The following HIPK2 variants were observed in gnomAD, a reference collection of about 807,000 sequenced individuals.
HIPK2 encodes the protein homeodomain interacting protein kinase 2.
In HIPK2, 27 loss-of-function variants were observed where a neutral mutation model predicts 113.7. That is an observed-to-expected ratio of 0.24 (90% CI 0.17 to 0.33). The LOEUF (loss-of-function observed/expected upper bound fraction) is 0.33, where lower values mean the gene tolerates loss of function less well. Among genes scored for constraint, HIPK2 ranks in the 10% least tolerant of loss-of-function variants. The probability of loss-of-function intolerance (pLI) is 1.00; values close to 1 mark genes in which losing one functional copy is unlikely to be tolerated. For synonymous variants in HIPK2, 631 were observed against 642.2 expected, an observed-to-expected ratio of 0.98 and a Z score of 0.26; for missense variants, 1,257 against 1,588.0, an observed-to-expected ratio of 0.79 and a Z score of 3.54.
rs557472926 is a variant in HIPK2 at position 139,564,948 on chromosome 7, A to G, written c.*7979T>C. ...AACATCGCATTTGAGTACAACACAC[A>G]AAGAATAATCTCTTCCTTGGTTTAA... is the stretch of plus-strand genomic sequence containing the variant. On this transcript the variant is annotated 3_prime_UTR_variant, in exon 15 of 15. Transcript: ENST00000406875. 3 of 152,354 alleles carry G rather than the reference A, an allele frequency of 2.0e-5. No homozygotes were observed. The highest frequency in any genetic ancestry group is 2.1e-4 in the South Asian group (1 of 4,826). 9.4% of individuals were successfully genotyped at this position (152,354 alleles called of 1,614,324 possible). A position where few individuals can be genotyped will look rare whatever the true frequency, so the allele number is the denominator to read the frequency against.
intron 1 of HIPK2, among the ~76,000 whole-genome samples, chr7:139,751,215 A>G (rs1455559050): frequency 1.3e-5 from 2 of 149,124 alleles, no homozygotes; most frequent in Non-Finnish European, 3.0e-5. Context: ...AAACACTACA[A>G]TCAGAGTGAA....
intron 2 of HIPK2, among the ~76,000 whole-genome samples, chr7:139,693,345 A>C (rs1569475661): frequency 2.0e-5 from 3 of 152,178 alleles, no homozygotes; most frequent in Admixed American, 6.5e-5. Context: ...AGAGAATTAA[A>C]CTCTAAGTAG....
At chr7:139,632,569 GAACAACCTGT>G in intron 2 of HIPK2, among the ~76,000 whole-genome samples, 1 of 152,248 alleles carries the variant, frequency 6.6e-6, no homozygotes, top group East Asian at 1.9e-4. Context: ...TAAACTCCAT[GAACAACCTGT>G]TCCTGAATGC....
In HIPK2 at chr7:139,777,539, A is replaced by G. The variant is rs931772667; in HGVS notation, c.19+66T>C. On this transcript the variant is annotated intron_variant, in intron 1 of 14. Coordinates refer to ENST00000406875, the MANE Select transcript of HIPK2 (RefSeq NM_022740.5). ...GGGCTGCGGGCGCGGGGCCGCGGGC[A>G]GAACAAAGCTGCGGGGGCCGCGGAG... is the stretch of plus-strand genomic sequence containing the variant. The G allele has an allele frequency of 5.4e-5, 40 of 747,538 alleles. No homozygotes were observed. The Admixed American group carries it at 2.3e-3, about 43-fold the overall frequency. 46.3% of individuals were successfully genotyped at this position (747,538 alleles called of 1,614,324 possible).
rs184311263 is a variant in HIPK2, at chr7:139,754,121, C to T, written c.19+23484G>A. Among the ~76,000 whole-genome samples the T allele has an allele frequency of 2.0e-5, 3 of 152,296 alleles. No individual in the cohort carries two copies. In the East Asian group the frequency reaches 5.8e-4, roughly 29 times the overall value. ...TTTAGGGGACAGTCCTGCTTCTTTC[C>T]AAGAGACACCCTTTGGAAGTGGGGA... On this transcript the variant is annotated intron_variant, in intron 1 of 14. Transcript: ENST00000406875.
intron 2 of HIPK2, among the ~76,000 whole-genome samples, chr7:139,673,983 A>G (rs1204958885): frequency 7.9e-5 from 12 of 150,964 alleles, no homozygotes; most frequent in Admixed American, 7.9e-4. Flanking sequence ...AGGCAGAACA[A>G]TCGTTTGAGC....
chr7:139,681,092 T>C (rs1456927024), intron 2 of HIPK2, among the ~76,000 whole-genome samples: 1 of 152,182 alleles, frequency 6.6e-6, no homozygotes, highest in African/African-American at 2.4e-5. Context: ...CGGTAACACA[T>C]CTCTCCTGAT....
At position 139,677,349 on chromosome 7, in the gene HIPK2, C is replaced by A. The variant is rs1802539680; in HGVS notation, c.1103+38583G>T. Among the ~76,000 whole-genome samples the A allele has an allele frequency of 3.9e-5, 6 of 152,044 alleles. No homozygotes were observed. In the South Asian group the frequency reaches 1.2e-3, roughly 31 times the overall value. ...TCCTTCTAGCTGGGTAAAGTGACTTCATTTAGTGAGAAAATGTCTTAGTTC... is the reference window on the plus strand; with the variant it reads ...TCCTTCTAGCTGGGTAAAGTGACTTAATTTAGTGAGAAAATGTCTTAGTTC... On this transcript the variant is annotated intron_variant, in intron 2 of 14. Transcript: ENST00000406875.
At position 139,631,836 on chromosome 7, in the gene HIPK2, A is replaced by AGGGCC; in HGVS notation, c.1104-116_1104-112dup. 1 of 1,352,744 alleles carries AGGGCC rather than the reference A, an allele frequency of 7.4e-7. No individual in the cohort carries two copies. The highest frequency in any genetic ancestry group is 9.9e-7 in the Non-Finnish European group (1 of 1,007,614). The allele number at this position is 1,352,744 out of a possible 1,614,324, so 83.8% of individuals were successfully genotyped here. ...GTGCCATTACTGACTCCTCCTCTGA[A>AGGGCC]GGGCCTGTGGCTCTCAGGAGAGGCG... On this transcript the variant is annotated intron_variant, in intron 2 of 14. Transcript: ENST00000406875. The surrounding 1 kb of genome is among the most constrained non-coding windows in gnomAD (Gnocchi z 4.9).
At chr7:139,752,803 C>T (rs913686342) in intron 1 of HIPK2, among the ~76,000 whole-genome samples, 2 of 151,940 alleles carry the variant, frequency 1.3e-5, no homozygotes, top group African/African-American at 4.8e-5. Context: ...CCTGCTGAAG[C>T]ATGAGGGATT....
chr7:139,650,349 CAAAAAA>C (rs35368461), intron 2 of HIPK2, among the ~76,000 whole-genome samples: 45 of 100,218 alleles, frequency 4.5e-4, no homozygotes, highest in African/African-American at 1.8e-3. Context: ...GACTCCATCT[CAAAAAA>C]AAAAAAAAAA....
At chr7:139,581,339 A>C (rs1453971321) in intron 13 of HIPK2, among the ~76,000 whole-genome samples, 1 of 152,198 alleles carries the variant, frequency 6.6e-6, no homozygotes, top group Non-Finnish European at 1.5e-5. Context: ...GCAGCTTCAG[A>C]GAGCAGGCAT....
chr7:139,639,669 C>T (rs1214037705), intron 2 of HIPK2, among the ~76,000 whole-genome samples: 1 of 152,124 alleles, frequency 6.6e-6, no homozygotes, highest in East Asian at 1.9e-4. Context: ...GGCTACCACA[C>T]ACAGAGCAGC....
rs889163352 is a variant in HIPK2, at chr7:139,702,045, C to G, written c.1103+13887G>C. Among the ~76,000 whole-genome samples, 9 of 152,236 alleles carry G rather than the reference C, an allele frequency of 5.9e-5. No individual in the cohort carries two copies. The South Asian group carries it at 1.9e-3, about 32-fold the overall frequency. On this transcript the variant is annotated intron_variant, in intron 2 of 14. Transcript: ENST00000406875. ...AGCCAAGCAGGGAGCACACGAGGAG[C>G]AGAGAAAGAAGAACACGCTTTAGGA...
At chr7:139,708,916 G>A (rs1205979986) in intron 2 of HIPK2, among the ~76,000 whole-genome samples, 2 of 152,188 alleles carry the variant, frequency 1.3e-5, no homozygotes, top group African/African-American at 4.8e-5. Context: ...GCATGTGTGT[G>A]TGTGCACCTG....
chr7:139,680,038 G>GAGGCCGGA (rs1306520146), intron 2 of HIPK2, among the ~76,000 whole-genome samples: 6 of 152,168 alleles, frequency 3.9e-5, no homozygotes, highest in African/African-American at 7.2e-5. Context: ...AGGATACAAG[G>GAGGCCGGA]AGGCCGGAAG....
In HIPK2 at chr7:139,683,519, T is replaced by C. The variant is rs78772202; in HGVS notation, c.1103+32413A>G. ...AATACCAGAGAGAGAGACACACGCATACCAAGACAGAAGCTGCAGAACCTC... is the reference window on the plus strand; with the variant it reads ...AATACCAGAGAGAGAGACACACGCACACCAAGACAGAAGCTGCAGAACCTC... On this transcript the variant is annotated intron_variant, in intron 2 of 14. Coordinates refer to ENST00000406875, the MANE Select transcript of HIPK2 (RefSeq NM_022740.5). This position sits in a 1 kb window ranked among gnomAD's most constrained non-coding sequence, Gnocchi z 4.2. Among the ~76,000 whole-genome samples, 3,223 of 152,172 alleles carry C rather than the reference T, an allele frequency of 0.021. 100 individuals carry two copies. The highest frequency in any genetic ancestry group is 0.073 in the African/African-American group (3,021 of 41,504).
intron 2 of HIPK2, among the ~76,000 whole-genome samples, chr7:139,668,651 A>G (rs1186625815): frequency 6.6e-6 from 1 of 152,222 alleles, no homozygotes; most frequent in Non-Finnish European, 1.5e-5. Context: ...GCATGGATAA[A>G]TATCTGAAGT....
At chr7:139,581,871 G>A (rs1798680727) in intron 13 of HIPK2, among the ~76,000 whole-genome samples, 1 of 152,222 alleles carries the variant, frequency 6.6e-6, no homozygotes, top group Admixed American at 6.5e-5. Context: ...CTGCAGCTTC[G>A]AGGTTTGCAC....
Sources: allele counts gnomAD v4.1 joint callset (sites outside exome capture counted in the v4.1 genomes callset), GRCh38; gene constraint gnomAD v4.1.1; non-coding constraint Gnocchi (gnomAD v3.1); transcripts MANE v1.5; gene names NCBI Gene and HGNC (gene_info 2026-07-23, HGNC 2026-07-21).